KCNH1: variants seen among roughly 807,000 people sequenced by gnomAD.
KCNH1 encodes the protein voltage-gated delayed rectifier potassium channel KCNH1.
A neutral mutation model predicts 69.2 loss-of-function variants in KCNH1; 27 were observed. The observed-to-expected ratio is 0.39, with a 90% CI of 0.29 to 0.54. The LOEUF is 0.54. KCNH1 is among the 20% of genes least tolerant of loss of function. KCNH1 has a pLI of 0.68. For synonymous variants in KCNH1, 456 were observed against 487.7 expected (o/e 0.93, Z 0.86); for missense variants, 798 against 1,261.6 (o/e 0.63, Z 5.57).
At chr1:210,958,658 T>C (rs969320377) in intron 6 of KCNH1, among the ~76,000 whole-genome samples, 3 of 152,240 alleles carry the variant, frequency 2.0e-5, no homozygotes, top group African/African-American at 7.2e-5. Flanking sequence ...CTTCATTAAT[T>C]TGATCTTCAA....
At chr1:210,908,509 G>T (rs994244669) in intron 7 of KCNH1, among the ~76,000 whole-genome samples, 34 of 152,122 alleles carry the variant, frequency 2.2e-4, no homozygotes, top group African/African-American at 7.7e-4. Context: ...CCGCCTCTCT[G>T]CTTGCAAGAC....
At chr1:211,033,094 G>A (rs1245234381) in intron 5 of KCNH1, among the ~76,000 whole-genome samples, 1 of 152,162 alleles carries the variant, frequency 6.6e-6, no homozygotes, top group Non-Finnish European at 1.5e-5. Flanking sequence ...ATCAAAAAGT[G>A]GATGAAGGAT....
chr1:210,821,246 A>G (rs182299068), intron 7 of KCNH1, among the ~76,000 whole-genome samples: 173 of 152,312 alleles, frequency 1.1e-3, no homozygotes, highest in African/African-American at 3.8e-3. Flanking sequence ...GGGCTTTGAC[A>G]TATGAATTGG....
chr1:211,026,370 T>A (rs1490221403), intron 5 of KCNH1, among the ~76,000 whole-genome samples: 27 of 81,440 alleles, frequency 3.3e-4, no homozygotes, highest in South Asian at 3.8e-4. Flanking sequence ...CTCCAAGGAG[T>A]ATAGACAAAA....
chr1:211,091,641 A>G (rs1037573991), intron 3 of KCNH1, among the ~76,000 whole-genome samples: 9 of 152,194 alleles, frequency 5.9e-5, no homozygotes, highest in African/African-American at 2.2e-4. Context: ...CATTAGTGCC[A>G]TAGGAAGCTC....
intron 5 of KCNH1, among the ~76,000 whole-genome samples, chr1:211,054,118 C>CAA (rs57400570): frequency 7.6e-6 from 1 of 131,826 alleles, no homozygotes. Flanking sequence ...AAAAATAATA[C>CAA]AAAAAAAAAA....
intron 5 of KCNH1, among the ~76,000 whole-genome samples, chr1:211,050,570 C>T (rs998740699): frequency 4.6e-5 from 7 of 152,208 alleles, no homozygotes; most frequent in Admixed American, 6.5e-5. Context: ...TACAATCCCA[C>T]GCTGAAATGC....
intron 5 of KCNH1, among the ~76,000 whole-genome samples, chr1:211,052,404 T>C (rs778030807): frequency 2.0e-5 from 3 of 152,228 alleles, no homozygotes; most frequent in Non-Finnish European, 2.9e-5. Flanking sequence ...CTTGAGATCA[T>C]TGTGAGTATT....
At chr1:210,799,925 C>CA (rs1301530510) in intron 8 of KCNH1, among the ~76,000 whole-genome samples, 2 of 152,232 alleles carry the variant, frequency 1.3e-5, no homozygotes, top group African/African-American at 4.8e-5. Flanking sequence ...GGAAAGGGGT[C>CA]AAAGAGTTGA....
At chr1:210,991,168 C>G (rs1028670351) in intron 6 of KCNH1, among the ~76,000 whole-genome samples, 1 of 152,156 alleles carries the variant, frequency 6.6e-6, no homozygotes, top group Non-Finnish European at 1.5e-5. Context: ...TCACTGCAGG[C>G]ATTACTATTC....
intron 7 of KCNH1, among the ~76,000 whole-genome samples, chr1:210,824,197 A>C (rs1018664971): frequency 6.6e-6 from 1 of 152,020 alleles, no homozygotes; most frequent in African/African-American, 2.4e-5. Flanking sequence ...TATTGGTCTT[A>C]GGACTCCTTT....
intron 1 of KCNH1, among the ~76,000 whole-genome samples, chr1:211,109,322 GA>G (rs1403156349): frequency 6.6e-6 from 1 of 152,192 alleles, no homozygotes; most frequent in Non-Finnish European, 1.5e-5. Flanking sequence ...ACTAGACTGG[GA>G]AGGATCTGGA....
In KCNH1 at chr1:210,776,579, G is replaced by A. The variant is rs377153277; in HGVS notation, c.1916-1035C>T. ...AGCTCTCCTGTGCTCTTTCTATCAC[G>A]TGAGGATACAATGAGAAGTAGGCAG... is the stretch of plus-strand genomic sequence containing the variant. On this transcript the variant is annotated intron_variant, in intron 9 of 10. Coordinates refer to ENST00000271751, the MANE Select transcript of KCNH1 (RefSeq NM_172362.3). Among the ~76,000 whole-genome samples the A allele has an allele frequency of 2.3e-3, 348 of 152,220 alleles. 1 individual carries two copies. The highest frequency in any genetic ancestry group is 0.017 in the Middle Eastern group (5 of 294).
chr1:210,877,405 A>G (rs142046501), intron 7 of KCNH1, among the ~76,000 whole-genome samples: 1 of 152,258 alleles, frequency 6.6e-6, no homozygotes, highest in Non-Finnish European at 1.5e-5. Flanking sequence ...TGATGCTGAA[A>G]TCTCAGGAAC....
Position 210,919,769 on chromosome 1 carries a change from T to C in KCNH1, c.1333A>G (p.Ser445Gly), listed in dbSNP as rs1046452487. ...SGSGKWEGGP[S>G]KNSVYISSLY... ...GAGGAGATGTAGACAGAATTCTTGC[T>C]GGGACCACCTTCCCACTTCCCTGAG... Residue 445 changes from serine to glycine, a missense_variant, in exon 7 of 11, where the codon AGC becomes GGC. Coordinates refer to ENST00000271751, the MANE Select transcript of KCNH1 (RefSeq NM_172362.3). This position sits in a 1 kb window ranked among gnomAD's most constrained non-coding sequence, Gnocchi z 4.2. 4 of 1,614,086 alleles carry C rather than the reference T, an allele frequency of 2.5e-6. No homozygotes were observed. In the Admixed American group the frequency reaches 5.0e-5, roughly 20 times the overall value.
At chr1:211,123,985 T>G (rs1207333126) in intron 1 of KCNH1, among the ~76,000 whole-genome samples, 1 of 152,062 alleles carries the variant, frequency 6.6e-6, no homozygotes, top group Admixed American at 6.6e-5. Flanking sequence ...GGCCACTCAA[T>G]GAAGTCAGGC....
At chr1:211,071,905 T>C (rs529565216) in intron 5 of KCNH1, among the ~76,000 whole-genome samples, 1 of 151,556 alleles carries the variant, frequency 6.6e-6, no homozygotes, top group East Asian at 1.9e-4. Context: ...ATAAGTGGAG[T>C]GAGGTATTTA....
chr1:211,063,555 A>C (rs879221023), intron 5 of KCNH1: 1 of 152,306 alleles, frequency 6.6e-6, no homozygotes, highest in Non-Finnish European at 1.5e-5. Context: ...ACCCTGGCTA[A>C]CATAATGAAA....
At chr1:210,708,934 T>G (rs1681982686) in intron 10 of KCNH1, among the ~76,000 whole-genome samples, 1 of 152,148 alleles carries the variant, frequency 6.6e-6, no homozygotes, top group Non-Finnish European at 1.5e-5. Flanking sequence ...CAGGGAATCC[T>G]TAATCCGAAA....
Sources: allele counts gnomAD v4.1 joint callset (sites outside exome capture counted in the v4.1 genomes callset), GRCh38; gene constraint gnomAD v4.1.1; non-coding constraint Gnocchi (gnomAD v3.1); transcripts MANE v1.5; gene names NCBI Gene and HGNC (gene_info 2026-07-23, HGNC 2026-07-21).